The following C5orf47 variants were observed in gnomAD, a reference collection of about 807,000 sequenced individuals.
C5orf47 encodes uncharacterized protein C5orf47.
Under a neutral mutation model 20.6 loss-of-function variants are expected in C5orf47, and 20 were observed. The ratio of observed to expected loss-of-function variants is 0.97; its 90% CI spans 0.68 to 1.41. The LOEUF (loss-of-function observed/expected upper bound fraction) is 1.41, where lower values mean the gene tolerates loss of function less well. C5orf47 is among the 40% of genes most tolerant of loss of function. The probability of loss-of-function intolerance (pLI) is 0.00; values close to 1 mark genes in which losing one functional copy is unlikely to be tolerated. For synonymous variants in C5orf47, 106 were observed against 97.3 expected (o/e 1.09, Z -0.53); for missense variants, 262 against 238.4 (o/e 1.10, Z -0.65).
In C5orf47 at chr5:173,990,231, G is replaced by A. The variant is rs371416864; in HGVS notation, c.325+643G>A. ...AGCCTTGACCGCAGCCTTGACCTCA[G>A]CCTCCCGAGTAGCTGGGACCACAGG... On this transcript the variant is annotated intron_variant, in intron 1 of 4. Transcript: ENST00000340147. 5.0e-5 allele frequency among the ~76,000 whole-genome samples: 7 copies of A among 140,700 alleles called. No homozygotes were observed. In the East Asian group the frequency reaches 1.4e-3, roughly 29 times the overall value. 92.3% of individuals were successfully genotyped at this position (140,700 alleles called of 152,430 possible). A position where few individuals can be genotyped will look rare whatever the true frequency, so the allele number is the denominator to read the frequency against.
At chr5:174,007,434 A>G (rs1158623759), downstream of C5orf47, among the ~76,000 whole-genome samples, 3 of 152,224 alleles carry the variant, frequency 2.0e-5, no homozygotes, top group Admixed American at 6.5e-5. Context: ...AGCATGGTAT[A>G]TAGCAATTGA....
rs1020515672 is a variant in C5orf47 at position 174,005,104 on chromosome 5, T to A, written c.*850T>A. 6.6e-6 allele frequency: 1 copy of A among 152,286 alleles called. No homozygotes were observed. 9.4% of individuals were successfully genotyped at this position (152,286 alleles called of 1,614,324 possible). A position where few individuals can be genotyped will look rare whatever the true frequency, so the allele number is the denominator to read the frequency against. ...GCTGGTACGATCTCTCTTTCTAAAT[T>A]GAATCAAAGACCTAGGTGGAACTGG... On this transcript the variant is annotated 3_prime_UTR_variant, in exon 5 of 5. Transcript: ENST00000340147.
chr5:174,004,575 A>T lies in C5orf47; in HGVS notation c.*321A>T, dbSNP rs1759254432. 1 of 152,302 alleles carries T rather than the reference A, an allele frequency of 6.6e-6. No individual in the cohort carries two copies. Among genetic ancestry groups the T allele is most frequent in the Non-Finnish European group, 1.5e-5 (1 of 68,008 alleles). 9.4% of individuals were successfully genotyped at this position (152,302 alleles called of 1,614,324 possible). A position where few individuals can be genotyped will look rare whatever the true frequency, so the allele number is the denominator to read the frequency against. ...ATTAGCATATCAATGCAATTGCATG[A>T]ATTTTATAATTACCAGCTTTTCCAT... On this transcript the variant is annotated 3_prime_UTR_variant, in exon 5 of 5. Coordinates refer to ENST00000340147, the MANE Select transcript of C5orf47 (RefSeq NM_001144954.2).
chr5:174,004,370 A>G lies in C5orf47; in HGVS notation c.*116A>G, dbSNP rs535812972. 23 of 152,346 alleles carry G rather than the reference A, an allele frequency of 1.5e-4. No individual in the cohort carries two copies. The highest frequency in any genetic ancestry group is 4.8e-4 in the African/African-American group (20 of 41,594). The allele number at this position is 152,346 out of a possible 1,614,324, so 9.4% of individuals were successfully genotyped here. On this transcript the variant is annotated 3_prime_UTR_variant, in exon 5 of 5. Coordinates refer to ENST00000340147, the MANE Select transcript of C5orf47 (RefSeq NM_001144954.2). ...TTATTTGTTAATTTTGATGTGTTTT[A>G]TTAGAATTGGGACTTTAGTAGTCGA...
intron 1 of C5orf47, among the ~76,000 whole-genome samples, chr5:173,991,884 C>G (rs1316912717): frequency 6.6e-6 from 1 of 152,058 alleles, no homozygotes; most frequent in East Asian, 1.9e-4. Context: ...TTGGGATTAT[C>G]TTGTCTTTGA....
At chr5:173,990,644 A>C (rs1758976953) in intron 1 of C5orf47, among the ~76,000 whole-genome samples, 1 of 151,804 alleles carries the variant, frequency 6.6e-6, no homozygotes, top group Admixed American at 6.6e-5. Flanking sequence ...CACCATGTTG[A>C]CCAGGTTGAT....
downstream of C5orf47, among the ~76,000 whole-genome samples, chr5:174,007,977 A>G (rs1759318622): frequency 3.3e-5 from 5 of 152,212 alleles, no homozygotes; most frequent in Admixed American, 2.0e-4. Context: ...AACAAGCAAC[A>G]GGTGGCTCGT....
intron 1 of C5orf47, among the ~76,000 whole-genome samples, chr5:173,994,950 AC>A (rs1759062706): frequency 1.3e-5 from 2 of 152,076 alleles, no homozygotes; most frequent in East Asian, 3.9e-4. Flanking sequence ...AGTAGCTGGG[AC>A]CACAGGCGTG....
intron 3 of C5orf47, among the ~76,000 whole-genome samples, chr5:174,000,892 G>T (rs1759184317): frequency 6.6e-6 from 1 of 152,118 alleles, no homozygotes; most frequent in Non-Finnish European, 1.5e-5. Flanking sequence ...TGCTAATTCA[G>T]ATCACTGCAT....
intron 3 of C5orf47, among the ~76,000 whole-genome samples, chr5:174,000,013 T>G (rs540104362): frequency 2.6e-5 from 4 of 151,950 alleles, no homozygotes; most frequent in Middle Eastern, 3.4e-3. Context: ...TAGGAGTGAG[T>G]GGAGGAATGT....
chr5:174,002,591 ATTC>A (rs10548850), intron 4 of C5orf47, among the ~76,000 whole-genome samples: 21,309 of 152,060 alleles, frequency 0.14, 2,071 homozygotes, highest in African/African-American at 0.27. Flanking sequence ...TTGCTTGCTC[ATTC>A]TTCTTCTCTC....
At position 174,005,097 on chromosome 5, in the gene C5orf47, T is replaced by A. The variant is rs1329470954; in HGVS notation, c.*843T>A. On this transcript the variant is annotated 3_prime_UTR_variant, in exon 5 of 5. Coordinates refer to ENST00000340147, the MANE Select transcript of C5orf47 (RefSeq NM_001144954.2). Reference sequence around the variant, plus strand: ...CTTTTTTGCTGGTACGATCTCTCTTTCTAAATTGAATCAAAGACCTAGGTG... The same window carrying A: ...CTTTTTTGCTGGTACGATCTCTCTTACTAAATTGAATCAAAGACCTAGGTG... 6.6e-6 allele frequency: 1 copy of A among 152,160 alleles called. No individual in the cohort carries two copies. Among genetic ancestry groups the A allele is most frequent in the African/African-American group, 2.4e-5 (1 of 41,444 alleles). The allele number at this position is 152,160 out of a possible 1,614,324, so 9.4% of individuals were successfully genotyped here.
intron 2 of C5orf47, 139 bp downstream of exon 2, chr5:173,998,377 G>A: frequency 3.6e-6 from 2 of 550,950 alleles, no homozygotes; most frequent in Non-Finnish European, 6.4e-6. Flanking sequence ...AGAAATAGAA[G>A]TAATTCAGAA....
At chr5:174,000,133 G>C (rs1759169873) in intron 3 of C5orf47, among the ~76,000 whole-genome samples, 1 of 152,090 alleles carries the variant, frequency 6.6e-6, no homozygotes, top group African/African-American at 2.4e-5. Context: ...CATCGGTATT[G>C]ATGAAGAAAA....
chr5:174,002,992 A>G (rs542239015), intron 4 of C5orf47, among the ~76,000 whole-genome samples: 1 of 152,244 alleles, frequency 6.6e-6, no homozygotes, highest in East Asian at 1.9e-4. Context: ...TTTGGCTGGA[A>G]CGTTGTATAC....
chr5:173,990,575 C>T (rs939542475), intron 1 of C5orf47, among the ~76,000 whole-genome samples: 8 of 152,152 alleles, frequency 5.3e-5, no homozygotes, highest in African/African-American at 1.9e-4. Flanking sequence ...GCTGAGATTA[C>T]AGGCACCTGC....
intron 1 of C5orf47, among the ~76,000 whole-genome samples, chr5:173,991,419 C>G (rs778088448): frequency 1.4e-4 from 21 of 151,974 alleles, no homozygotes; most frequent in Non-Finnish European, 2.4e-4. Context: ...TAGTGTTTCC[C>G]CATTAAATCA....
chr5:174,009,475 T>C (rs763633439), downstream of C5orf47, among the ~76,000 whole-genome samples: 10 of 152,382 alleles, frequency 6.6e-5, no homozygotes, highest in South Asian at 2.1e-4. Flanking sequence ...TTTGGTGTTA[T>C]AAGTTTTTCT....
downstream of C5orf47, among the ~76,000 whole-genome samples, chr5:174,009,127 A>G (rs1009815471): frequency 6.6e-6 from 1 of 152,094 alleles, no homozygotes; most frequent in Admixed American, 6.5e-5. Flanking sequence ...GCCCGCTAGA[A>G]AGCCTCCAGT....
Sources: allele counts gnomAD v4.1 joint callset (sites outside exome capture counted in the v4.1 genomes callset), GRCh38; gene constraint gnomAD v4.1.1; transcripts MANE v1.5; gene names NCBI Gene and HGNC (gene_info 2026-07-23, HGNC 2026-07-21).